The following TSHZ2 variants were observed in gnomAD, a reference collection of about 807,000 sequenced individuals.
TSHZ2 encodes teashirt zinc finger homeobox 2.
In TSHZ2, 21 loss-of-function variants were observed where a neutral mutation model predicts 74.4. That is an observed-to-expected ratio of 0.28 (90% CI 0.20 to 0.41). TSHZ2 has a LOEUF of 0.41. TSHZ2 is among the 10% of genes least tolerant of loss of function. TSHZ2 has a pLI of 1.00. For missense variants in TSHZ2, 1,244 were observed against 1,293.5 expected, an observed-to-expected ratio of 0.96 and a Z score of 0.59; for synonymous variants, 540 against 515.3, an observed-to-expected ratio of 1.05 and a Z score of -0.65.
At chr20:53,161,906 T>C (rs1987950386) in intron 1 of TSHZ2, among the ~76,000 whole-genome samples, 1 of 152,226 alleles carries the variant, frequency 6.6e-6, no homozygotes, top group Non-Finnish European at 1.5e-5. Flanking sequence ...ATATCCACCT[T>C]AGGTCCTTTT....
chr20:53,458,525 A>T (rs976213597), intron 2 of TSHZ2, among the ~76,000 whole-genome samples: 10 of 151,980 alleles, frequency 6.6e-5, no homozygotes, highest in African/African-American at 2.4e-4. Context: ...TGGATTCACT[A>T]GTTTTTTGAA....
At chr20:53,433,345 G>A (rs1983910234) in intron 2 of TSHZ2, among the ~76,000 whole-genome samples, 1 of 151,746 alleles carries the variant, frequency 6.6e-6, no homozygotes, top group South Asian at 2.1e-4. Context: ...CCAAACTTGG[G>A]GACAAAGAGA....
intron 1 of TSHZ2, among the ~76,000 whole-genome samples, chr20:53,079,834 CT>C (rs1354740403): frequency 2.9e-5 from 4 of 135,632 alleles, no homozygotes; most frequent in Non-Finnish European, 6.4e-5. Context: ...TTTTTTTTTT[CT>C]TTTTTTTTGC....
intron 2 of TSHZ2, among the ~76,000 whole-genome samples, chr20:53,431,757 GCTTT>G (rs1983856148): frequency 6.6e-6 from 1 of 152,168 alleles, no homozygotes; most frequent in South Asian, 2.1e-4. Flanking sequence ...TATTATTTAT[GCTTT>G]CTTTCATACC....
At chr20:53,037,741 G>T (rs1983871699) in intron 1 of TSHZ2, among the ~76,000 whole-genome samples, 1 of 152,230 alleles carries the variant, frequency 6.6e-6, no homozygotes, top group Non-Finnish European at 1.5e-5. Context: ...TCTGGCTGCT[G>T]TGAGCACCGG....
chr20:53,113,008 A>G (rs1379143344), intron 1 of TSHZ2, among the ~76,000 whole-genome samples: 2 of 152,172 alleles, frequency 1.3e-5, no homozygotes, highest in Non-Finnish European at 2.9e-5. Flanking sequence ...AGGACCCATA[A>G]TTTTCAAATT....
At chr20:53,118,781 A>G (rs537460722) in intron 1 of TSHZ2, among the ~76,000 whole-genome samples, 2 of 152,274 alleles carry the variant, frequency 1.3e-5, no homozygotes, top group African/African-American at 2.4e-5. Context: ...TGGTGGGTGT[A>G]CTAGTCCATT....
chr20:53,334,587 G>A (rs905967919), intron 2 of TSHZ2, among the ~76,000 whole-genome samples: 2 of 152,164 alleles, frequency 1.3e-5, no homozygotes, highest in African/African-American at 2.4e-5. Flanking sequence ...AAGGGGAGAA[G>A]CACTGATTTG....
chr20:53,365,129 G>A (rs750573567), intron 2 of TSHZ2, among the ~76,000 whole-genome samples: 1 of 152,214 alleles, frequency 6.6e-6, no homozygotes, highest in Non-Finnish European at 1.5e-5. Context: ...GAAAATCTTT[G>A]TCCCTTGAAA....
At chr20:53,288,310 A>G (rs1269359253) in intron 2 of TSHZ2, among the ~76,000 whole-genome samples, 3 of 151,826 alleles carry the variant, frequency 2.0e-5, no homozygotes, top group African/African-American at 7.3e-5. Context: ...AGGCTGAGGC[A>G]GGAGAATTGC....
intron 2 of TSHZ2, among the ~76,000 whole-genome samples, chr20:53,426,693 T>A (rs1050843113): frequency 2.0e-5 from 3 of 152,238 alleles, no homozygotes; most frequent in African/African-American, 7.2e-5. Context: ...CTGCGTAAGT[T>A]CTTTGCTTTA....
At chr20:53,117,821 T>G (rs529840324) in intron 1 of TSHZ2, among the ~76,000 whole-genome samples, 7 of 152,358 alleles carry the variant, frequency 4.6e-5, no homozygotes, top group Non-Finnish European at 7.3e-5. Context: ...TCCCATCTTT[T>G]GGCCAAGCAG....
chr20:53,254,071 T>G lies in TSHZ2; in HGVS notation c.613T>G (p.Cys205Gly). 1 of 1,614,018 alleles carries G rather than the reference T, an allele frequency of 6.2e-7. No homozygotes were observed. Among genetic ancestry groups the G allele is most frequent in the Non-Finnish European group, 8.5e-7 (1 of 1,180,012 alleles). The change falls in exon 2 of 3, where the codon TGC (cysteine) becomes GGC (glycine). Residue 205 changes from cysteine to glycine, a missense_variant. By Grantham distance (159) the Cys-to-Gly change is radical. Around this residue, in one of 6 missense-constraint regions of TSHZ2, gnomAD observed 470 missense variants for 456.5 expected, o/e 1.03. Transcript: ENST00000371497. ...VQLYRQSSKM[C>G]GTVFTGASRF... is the part of the protein sequence containing the mutation. The stretch of plus-strand genomic sequence containing the variant: ...GTTGTACCGACAGAGCAGCAAGATG[T>G]GCGGGACTGTGTTCACAGGGGCCAG...
chr20:52,973,387 G>T (rs1981203216), intron 1 of TSHZ2, 54 bp downstream of exon 1: 3 of 1,545,254 alleles, frequency 1.9e-6, no homozygotes, highest in Non-Finnish European at 2.6e-6. Context: ...CTCCTCGCCC[G>T]CCCTCCTTGC....
chr20:52,974,803 C>T (rs1361296325), intron 1 of TSHZ2, among the ~76,000 whole-genome samples: 1 of 152,206 alleles, frequency 6.6e-6, no homozygotes, highest in Admixed American at 6.5e-5. Context: ...CTTCTGAGCA[C>T]AGAATTGCTT....
At chr20:53,333,630 G>T (rs548867099) in intron 2 of TSHZ2, among the ~76,000 whole-genome samples, 1 of 152,064 alleles carries the variant, frequency 6.6e-6, no homozygotes, top group South Asian at 2.1e-4. Flanking sequence ...TAATTTTTTT[G>T]TATTTTTAGT....
At chr20:53,002,739 G>A (rs958723820) in intron 1 of TSHZ2, among the ~76,000 whole-genome samples, 1 of 152,196 alleles carries the variant, frequency 6.6e-6, no homozygotes, top group African/African-American at 2.4e-5. Context: ...GTCCAGTACA[G>A]TATTTGGGAC....
At chr20:52,985,377 A>G (rs1468872274) in intron 1 of TSHZ2, among the ~76,000 whole-genome samples, 1 of 152,210 alleles carries the variant, frequency 6.6e-6, no homozygotes, top group Non-Finnish European at 1.5e-5. Context: ...CTTGCAATGA[A>G]GAAAATGGTG....
At chr20:53,133,960 A>AT (rs756672325) in intron 1 of TSHZ2, among the ~76,000 whole-genome samples, 1 of 107,744 alleles carries the variant, frequency 9.3e-6, no homozygotes, top group African/African-American at 3.4e-5. Context: ...ATTTTTTACC[A>AT]TTTTTTCTGA....
Sources: gnomAD v4.1 joint callset for allele counts (sites outside exome capture counted in the v4.1 genomes callset) on GRCh38, gnomAD v4.1.1 for gene constraint, gnomAD v4.1.1 regional missense constraint, MANE v1.5 for transcripts, NCBI Gene and HGNC (gene_info 2026-07-23, HGNC 2026-07-21) for gene names.